Variants in RBFOX1 observed in about 807,000 individuals in gnomAD.
The protein encoded by RBFOX1 is RNA binding fox-1 homolog 1.
In RBFOX1, 8 loss-of-function variants were observed where a neutral mutation model predicts 57.7. The observed-to-expected ratio is 0.14, with a 90% CI of 0.08 to 0.25. The LOEUF is 0.25. Ranked by LOEUF, RBFOX1 falls within the 10% of genes least tolerant of loss-of-function variation. The pLI is 1.00. For synonymous variants in RBFOX1, 326 were observed against 222.4 expected, an observed-to-expected ratio of 1.47 and a Z score of -4.15; for missense variants, 611 against 548.5, an observed-to-expected ratio of 1.11 and a Z score of -1.14.
chr16:7,134,654 C>T (rs568041401), intron 4 of RBFOX1, among the ~76,000 whole-genome samples: 22 of 152,294 alleles, frequency 1.4e-4, no homozygotes, highest in African/African-American at 4.6e-4. Flanking sequence ...AAAAGAATTC[C>T]GTCAGCTTTC....
chr16:7,709,504 C>A, intron 15 of RBFOX1: 1 of 1,514,116 alleles, frequency 6.6e-7, no homozygotes, highest in Non-Finnish European at 8.8e-7. Flanking sequence ...CCCCAAGGTT[C>A]CAGCCCCAGC....
intron 3 of RBFOX1, among the ~76,000 whole-genome samples, chr16:5,839,136 C>T (rs935432550): frequency 1.2e-4 from 19 of 152,140 alleles, no homozygotes; most frequent in African/African-American, 4.3e-4. Flanking sequence ...CTGAAAAACA[C>T]GGACTTATAA....
chr16:5,686,682 G>A (rs936500049), intron 3 of RBFOX1, among the ~76,000 whole-genome samples: 2 of 152,134 alleles, frequency 1.3e-5, no homozygotes, highest in Admixed American at 6.6e-5. Context: ...AGTATTGAGG[G>A]TAATATGGGA....
intron 2 of RBFOX1, among the ~76,000 whole-genome samples, chr16:6,374,424 G>C (rs1277855994): frequency 6.6e-6 from 1 of 152,128 alleles, no homozygotes; most frequent in Admixed American, 6.5e-5. Flanking sequence ...AAGAAAGTAA[G>C]TAGCAAATTC....
chr16:7,193,351 C>G (rs1429957286), intron 4 of RBFOX1, among the ~76,000 whole-genome samples: 1 of 152,178 alleles, frequency 6.6e-6, no homozygotes, highest in Non-Finnish European at 1.5e-5. Context: ...CCTAGAACCT[C>G]CAGAAAAGAA....
rs904470848 is a variant in RBFOX1, at chr16:7,362,427, AGT to A, written c.28-155713_28-155712del. ...TGTATATGTTTTGTGTGTATGCGTT[AGT>A]GTGTGTTCTGCGTGTACGTAGTATA... On this transcript the variant is annotated intron_variant, in intron 4 of 15. Transcript: ENST00000550418. Among the ~76,000 whole-genome samples, 44 of 149,796 alleles carry A rather than the reference AGT, an allele frequency of 2.9e-4. 1 individual carries two copies. The highest frequency in any genetic ancestry group is 2.7e-3 in the Admixed American group (41 of 15,048).
chr16:7,208,522 A>G (rs1218753091), intron 4 of RBFOX1, among the ~76,000 whole-genome samples: 1 of 152,070 alleles, frequency 6.6e-6, no homozygotes, highest in African/African-American at 2.4e-5. Context: ...GATAGTGGGG[A>G]GGAGCCAGGC....
intron 3 of RBFOX1, among the ~76,000 whole-genome samples, chr16:6,664,055 G>T (rs1276713941): frequency 6.6e-6 from 1 of 152,170 alleles, no homozygotes; most frequent in Non-Finnish European, 1.5e-5. Flanking sequence ...CATGAGAAAT[G>T]GTCAGGTGTG....
rs1567215854 is a variant in RBFOX1, at chr16:6,780,317, T to TA, written c.-16+125667_-16+125668insA. Among the ~76,000 whole-genome samples, 145 of 76,640 alleles carry TA rather than the reference T, an allele frequency of 1.9e-3. 11 individuals carry two copies. The highest frequency in any genetic ancestry group is 3.4e-3 in the East Asian group (7 of 2,044). The allele number at this position is 76,640 out of a possible 152,430, so 50.3% of individuals were successfully genotyped here. A position where few individuals can be genotyped will look rare whatever the true frequency, so the allele number is the denominator to read the frequency against. Reference sequence around the variant, plus strand: ...TATATTTATACATATATATATTTATTCATATTTATATATATTTATACATAT... The same window carrying TA: ...TATATTTATACATATATATATTTATTACATATTTATATATATTTATACATAT... On this transcript the variant is annotated intron_variant, in intron 3 of 15. Transcript: ENST00000550418.
At chr16:5,607,104 G>A (rs1312387944) in intron 3 of RBFOX1, among the ~76,000 whole-genome samples, 1 of 152,206 alleles carries the variant, frequency 6.6e-6, no homozygotes, top group Non-Finnish European at 1.5e-5. Flanking sequence ...CCTCACTGGA[G>A]TGGGCTGGGG....
intron 4 of RBFOX1, among the ~76,000 whole-genome samples, chr16:7,459,106 T>G (rs1165566487): frequency 6.6e-6 from 1 of 152,014 alleles, no homozygotes; most frequent in Non-Finnish European, 1.5e-5. Context: ...GGCAGATGAA[T>G]GGATGTAACA....
intron 4 of RBFOX1, among the ~76,000 whole-genome samples, chr16:7,315,752 C>T (rs920882857): frequency 1.3e-5 from 2 of 151,996 alleles, no homozygotes; most frequent in East Asian, 1.9e-4. Context: ...ATGCACTTTA[C>T]ATTTATATTG....
intron 3 of RBFOX1, among the ~76,000 whole-genome samples, chr16:6,722,936 C>T (rs1345294683): frequency 6.6e-6 from 1 of 152,052 alleles, no homozygotes; most frequent in East Asian, 1.9e-4. Flanking sequence ...ACTAGGGGGC[C>T]CTCTGCTTCT....
At chr16:7,644,738 T>C (rs1413070262) in intron 11 of RBFOX1, among the ~76,000 whole-genome samples, 1 of 152,142 alleles carries the variant, frequency 6.6e-6, no homozygotes, top group African/African-American at 2.4e-5. Context: ...TATAAGGAAG[T>C]TGAAATCAAC....
At chr16:7,633,504 A>G (rs1365003469) in intron 11 of RBFOX1, among the ~76,000 whole-genome samples, 1 of 152,210 alleles carries the variant, frequency 6.6e-6, no homozygotes, top group African/African-American at 2.4e-5. Flanking sequence ...TTAGGTTCAT[A>G]GCAATTTTTT....
At chr16:7,614,366 T>G (rs1460835559) in intron 10 of RBFOX1, 4 of 152,184 alleles carry the variant, frequency 2.6e-5, no homozygotes, top group African/African-American at 9.7e-5. Context: ...CTCTTCTGTC[T>G]TATCAGATTT....
intron 3 of RBFOX1, among the ~76,000 whole-genome samples, chr16:5,804,371 T>C (rs1027573503): frequency 2.0e-5 from 3 of 152,182 alleles, no homozygotes; most frequent in Admixed American, 2.0e-4. Flanking sequence ...AGTTTATTGG[T>C]GGTAGTGACA....
chr16:6,314,797 T>G (rs771462676), intron 1 of RBFOX1, among the ~76,000 whole-genome samples: 2 of 152,220 alleles, frequency 1.3e-5, no homozygotes, highest in African/African-American at 4.8e-5. Flanking sequence ...CTATAATTAT[T>G]AGGACTCAGA....
intron 3 of RBFOX1, among the ~76,000 whole-genome samples, chr16:6,747,247 A>G (rs2154187908): frequency 6.6e-6 from 1 of 152,228 alleles, no homozygotes; most frequent in East Asian, 1.9e-4. Flanking sequence ...CGTCTCTACT[A>G]AAAATATACA....
Sources: allele counts gnomAD v4.1 joint callset (sites outside exome capture counted in the v4.1 genomes callset), GRCh38; gene constraint gnomAD v4.1.1; transcripts MANE v1.5; gene names NCBI Gene and HGNC (gene_info 2026-07-23, HGNC 2026-07-21).